The following EXOC6B variants were observed in gnomAD, a reference collection of about 807,000 sequenced individuals.
EXOC6B encodes exocyst complex component 6B.
EXOC6B carries 54 observed loss-of-function variants against 113.5 expected under a neutral mutation model. That is an observed-to-expected ratio of 0.48 (90% confidence interval 0.38 to 0.60). The LOEUF (loss-of-function observed/expected upper bound fraction) is 0.60, where lower values mean the gene tolerates loss of function less well. EXOC6B is among the 20% of genes least tolerant of loss of function. The pLI, the probability that EXOC6B is intolerant of heterozygous loss-of-function variation, is 0.00. For synonymous variants in EXOC6B, 357 were observed against 339.0 expected (o/e 1.05, Z -0.58); for missense variants, 797 against 977.5 (o/e 0.82, Z 2.46).
At chr2:72,353,245 A>G (rs1360873949) in intron 19 of EXOC6B, among the ~76,000 whole-genome samples, 2 of 152,142 alleles carry the variant, frequency 1.3e-5, no homozygotes, top group African/African-American at 2.4e-5. Flanking sequence ...ATGATGATTA[A>G]GATGGGTTGT....
chr2:72,213,803 G>A (rs1164762012), intron 20 of EXOC6B, among the ~76,000 whole-genome samples: 1 of 152,092 alleles, frequency 6.6e-6, no homozygotes, highest in African/African-American at 2.4e-5. Flanking sequence ...CATCATGCGA[G>A]GACACAGCAA....
intron 20 of EXOC6B, among the ~76,000 whole-genome samples, chr2:72,293,211 T>C (rs754963674): frequency 1.3e-5 from 2 of 152,160 alleles, no homozygotes; most frequent in African/African-American, 4.8e-5. Context: ...GGCTTATTAA[T>C]TGCTGTTCAT....
At chr2:72,608,273 A>G (rs2104060965) in intron 6 of EXOC6B, among the ~76,000 whole-genome samples, 1 of 152,282 alleles carries the variant, frequency 6.6e-6, no homozygotes, top group African/African-American at 2.4e-5. Context: ...GAATACAGTA[A>G]ACAGAGGCAA....
At chr2:72,512,187 G>A (rs1258109474) in intron 11 of EXOC6B, among the ~76,000 whole-genome samples, 2 of 151,958 alleles carry the variant, frequency 1.3e-5, no homozygotes, top group Non-Finnish European at 2.9e-5. Context: ...ATCACTGTCT[G>A]ACATTCTTGT....
chr2:72,579,398 G>C (rs1341322216), intron 6 of EXOC6B, among the ~76,000 whole-genome samples: 1 of 152,084 alleles, frequency 6.6e-6, no homozygotes, highest in East Asian at 1.9e-4. Flanking sequence ...ACTGCCCCAA[G>C]TCCAGAAAGT....
intron 6 of EXOC6B, among the ~76,000 whole-genome samples, chr2:72,672,488 A>G (rs1201322729): frequency 1.4e-5 from 2 of 147,388 alleles, no homozygotes; most frequent in Non-Finnish European, 3.0e-5. Flanking sequence ...CGGAGCTTGC[A>G]GTGAGTCGAG....
intron 1 of EXOC6B, among the ~76,000 whole-genome samples, chr2:72,806,765 C>T (rs1248691095): frequency 1.3e-5 from 2 of 151,932 alleles, no homozygotes; most frequent in African/African-American, 2.4e-5. Flanking sequence ...TTTTGATTCG[C>T]ATTTCTCCAA....
chr2:72,408,106 C>T (rs893416281), intron 18 of EXOC6B, among the ~76,000 whole-genome samples: 8 of 152,064 alleles, frequency 5.3e-5, no homozygotes, highest in Admixed American at 4.6e-4. Flanking sequence ...GAGTGAACTC[C>T]CATTCACAAT....
intron 19 of EXOC6B, among the ~76,000 whole-genome samples, chr2:72,337,288 G>T (rs542565632): frequency 2.0e-5 from 3 of 152,220 alleles, no homozygotes; most frequent in Admixed American, 1.3e-4. Context: ...TTCTTCCAAG[G>T]ATGTTGGATT....
At chr2:72,573,989 GCCTGTAGT>G (rs1704671814) in intron 7 of EXOC6B, among the ~76,000 whole-genome samples, 2 of 151,858 alleles carry the variant, frequency 1.3e-5, no homozygotes, top group African/African-American at 4.8e-5. Context: ...GGTGGCGGGC[GCCTGTAGT>G]CCCAGTTTCT....
intron 20 of EXOC6B, among the ~76,000 whole-genome samples, chr2:72,271,719 CA>C (rs1297154806): frequency 6.6e-6 from 1 of 152,086 alleles, no homozygotes. Flanking sequence ...TCTGGGTTTG[CA>C]CATATACCAC....
intron 17 of EXOC6B, among the ~76,000 whole-genome samples, chr2:72,473,155 T>C (rs1162624330): frequency 6.6e-6 from 1 of 152,130 alleles, no homozygotes; most frequent in African/African-American, 2.4e-5. Context: ...TATTCTGTTA[T>C]TGTTGGGTAA....
At chr2:72,593,634 T>A (rs997297797) in intron 6 of EXOC6B, among the ~76,000 whole-genome samples, 5 of 111,418 alleles carry the variant, frequency 4.5e-5, no homozygotes, top group African/African-American at 7.6e-5. Flanking sequence ...CAAAAACCAA[T>A]AGGGATCTTA....
At chr2:72,424,761 A>G (rs908211021) in intron 18 of EXOC6B, among the ~76,000 whole-genome samples, 3 of 152,150 alleles carry the variant, frequency 2.0e-5, no homozygotes, top group Non-Finnish European at 4.4e-5. Flanking sequence ...AAATAGAAAC[A>G]TATCTAATTA....
intron 20 of EXOC6B, among the ~76,000 whole-genome samples, chr2:72,302,223 T>C (rs1475198952): frequency 6.6e-6 from 1 of 152,230 alleles, no homozygotes; most frequent in Non-Finnish European, 1.5e-5. Flanking sequence ...TGATTTTGAT[T>C]CTTTTGCATT....
intron 1 of EXOC6B, among the ~76,000 whole-genome samples, chr2:72,760,783 C>T (rs887408932): frequency 1.3e-5 from 2 of 152,150 alleles, no homozygotes; most frequent in African/African-American, 4.8e-5. Context: ...TAAGAGACAT[C>T]TTTCTGAAAA....
At chr2:72,422,974 T>C (rs982964477) in intron 18 of EXOC6B, among the ~76,000 whole-genome samples, 7 of 152,250 alleles carry the variant, frequency 4.6e-5, no homozygotes, top group East Asian at 1.9e-4. Context: ...CGAGCCAGCA[T>C]TGGCAACCTG....
chr2:72,278,483 G>A (rs1684934656), intron 20 of EXOC6B, among the ~76,000 whole-genome samples: 1 of 152,186 alleles, frequency 6.6e-6, no homozygotes, highest in Non-Finnish European at 1.5e-5. Flanking sequence ...AGGCAAAGAA[G>A]TCATTTAATG....
At chr2:72,644,915 C>T (rs1343129813) in intron 6 of EXOC6B, among the ~76,000 whole-genome samples, 2 of 152,128 alleles carry the variant, frequency 1.3e-5, no homozygotes, top group Admixed American at 1.3e-4. Flanking sequence ...ATCATAATGA[C>T]AGGATCAAAT....
Sources: gnomAD v4.1 joint callset for allele counts (sites outside exome capture counted in the v4.1 genomes callset) on GRCh38, gnomAD v4.1.1 for gene constraint, MANE v1.5 for transcripts, NCBI Gene and HGNC (gene_info 2026-07-23, HGNC 2026-07-21) for gene names.